The following EYS variants were observed in gnomAD, a reference collection of about 807,000 sequenced individuals.
EYS encodes the protein protein eyes shut homolog.
A neutral mutation model predicts 282.1 loss-of-function variants in EYS; 250 were observed. The ratio of observed to expected loss-of-function variants is 0.89; its 90% confidence interval spans 0.80 to 0.98. The LOEUF is 0.98. Among genes scored for constraint, EYS ranks in the 50% least tolerant of loss-of-function variants. The pLI is 0.00. For missense variants in EYS, 4,016 were observed against 3,709.0 expected (o/e 1.08, Z -2.15); for synonymous variants, 1,355 against 1,282.9 (o/e 1.06, Z -1.20).
intron 26 of EYS, among the ~76,000 whole-genome samples, chr6:64,467,609 T>G (rs1775967028): frequency 1.3e-5 from 2 of 152,180 alleles, no homozygotes; most frequent in South Asian, 2.1e-4. Flanking sequence ...ACCACCCCAC[T>G]TATTACCACC....
At chr6:65,395,915 T>C (rs1766262648) in intron 7 of EYS, among the ~76,000 whole-genome samples, 1 of 152,228 alleles carries the variant, frequency 6.6e-6, no homozygotes, top group Non-Finnish European at 1.5e-5. Flanking sequence ...CTTTGACTTT[T>C]AAAAATTTTA....
At chr6:65,430,729 C>A (rs1381327612) in intron 5 of EYS, among the ~76,000 whole-genome samples, 3 of 152,164 alleles carry the variant, frequency 2.0e-5, no homozygotes, top group African/African-American at 2.4e-5. Flanking sequence ...AGTCATGAGG[C>A]CCCTGTTCCA....
intron 7 of EYS, among the ~76,000 whole-genome samples, chr6:65,385,855 T>C (rs758229579): frequency 8.6e-5 from 13 of 151,950 alleles, no homozygotes; most frequent in African/African-American, 2.7e-4. Context: ...AAATACCAAC[T>C]TAATGAAAGG....
intron 33 of EYS, among the ~76,000 whole-genome samples, chr6:64,000,812 T>A (rs1246570884): frequency 6.6e-6 from 1 of 152,150 alleles, no homozygotes; most frequent in African/African-American, 2.4e-5. Flanking sequence ...CACTTTAGCT[T>A]ACCAAGGTCA....
chr6:64,227,372 T>G (rs906131891), intron 31 of EYS, among the ~76,000 whole-genome samples: 1 of 152,128 alleles, frequency 6.6e-6, no homozygotes, highest in Admixed American at 6.6e-5. Flanking sequence ...AAGCAAAGTT[T>G]TTTTTTCATA....
intron 23 of EYS, among the ~76,000 whole-genome samples, chr6:64,623,236 A>G (rs1767504292): frequency 6.6e-6 from 1 of 152,192 alleles, no homozygotes; most frequent in Non-Finnish European, 1.5e-5. Context: ...GATATTGTAC[A>G]GATCTCTAGA....
At chr6:64,381,546 C>T (rs1423832308) in intron 29 of EYS, among the ~76,000 whole-genome samples, 3 of 152,134 alleles carry the variant, frequency 2.0e-5, no homozygotes. Flanking sequence ...CTGATTTTCA[C>T]TACTGCATAT....
intron 35 of EYS, among the ~76,000 whole-genome samples, chr6:63,969,839 GTC>G (rs1299418436): frequency 9.2e-5 from 14 of 152,100 alleles, no homozygotes; most frequent in East Asian, 5.8e-4. Flanking sequence ...CTCTGTTGTA[GTC>G]TCTCTCTCTC....
chr6:65,398,964 C>G (rs1209717964), intron 7 of EYS, among the ~76,000 whole-genome samples: 2 of 152,214 alleles, frequency 1.3e-5, no homozygotes, highest in Middle Eastern at 3.4e-3. Context: ...TACCTCACAT[C>G]TAATCCTTCA....
intron 22 of EYS, among the ~76,000 whole-genome samples, chr6:64,803,207 G>C (rs79312624): frequency 6.6e-6 from 1 of 152,080 alleles, no homozygotes; most frequent in African/African-American, 2.4e-5. Context: ...ACCCAGAGTG[G>C]GTAGCTCCTT....
chr6:65,468,539 A>G (rs1008813393), intron 5 of EYS, among the ~76,000 whole-genome samples: 9 of 152,020 alleles, frequency 5.9e-5, no homozygotes, highest in African/African-American at 2.2e-4. Context: ...ATTTTGTTGC[A>G]TGGCCCTATT....
chr6:65,556,875 T>C (rs991824194), intron 2 of EYS, among the ~76,000 whole-genome samples: 10 of 152,136 alleles, frequency 6.6e-5, no homozygotes, highest in Non-Finnish European at 1.5e-4. Flanking sequence ...TTTAAAATTG[T>C]CTCTAATATC....
chr6:63,947,366 T>A (rs117264141), intron 35 of EYS, among the ~76,000 whole-genome samples: 2,217 of 152,100 alleles, frequency 0.015, 56 homozygotes, highest in East Asian at 0.048. Flanking sequence ...CATTAAAAAG[T>A]ACTAAGAAAT....
At position 65,562,514 on chromosome 6, in the gene EYS, C is replaced by A. The variant is rs117603610; in HGVS notation, c.-332-66521G>T. On this transcript the variant is annotated intron_variant, in intron 2 of 42. Transcript: ENST00000503581. ...AAAAAACCCCTGAAATATTAGAAAT[C>A]TTCCAAATTTAATAAACATAGGTAT... 6.2e-3 allele frequency among the ~76,000 whole-genome samples: 943 copies of A among 152,074 alleles called. 25 individuals are homozygous for A. In the East Asian group the frequency reaches 0.063, roughly 10 times the overall value.
chr6:64,472,728 C>G (rs111946463), intron 26 of EYS, among the ~76,000 whole-genome samples: 32 of 152,214 alleles, frequency 2.1e-4, no homozygotes, highest in African/African-American at 7.2e-4. Flanking sequence ...AATTTACACC[C>G]TGACACTTAT....
chr6:65,236,796 T>C (rs939813704), intron 12 of EYS, among the ~76,000 whole-genome samples: 2 of 152,176 alleles, frequency 1.3e-5, no homozygotes, highest in Non-Finnish European at 2.9e-5. Flanking sequence ...AGCTAATTAC[T>C]GTGAAACTTT....
intron 32 of EYS, among the ~76,000 whole-genome samples, chr6:64,081,132 C>A (rs1056410756): frequency 1.4e-4 from 21 of 151,884 alleles, no homozygotes; most frequent in Admixed American, 7.2e-4. Context: ...CAGAAAGTGG[C>A]CATACTGTCC....
intron 12 of EYS, among the ~76,000 whole-genome samples, chr6:65,085,616 G>A (rs1383827404): frequency 6.6e-6 from 1 of 152,068 alleles, no homozygotes; most frequent in Non-Finnish European, 1.5e-5. Context: ...CAAGGTAACA[G>A]CATAGCTTAA....
At chr6:64,328,605 G>A (rs988009149) in intron 29 of EYS, among the ~76,000 whole-genome samples, 2 of 152,172 alleles carry the variant, frequency 1.3e-5, no homozygotes, top group Non-Finnish European at 2.9e-5. Flanking sequence ...CCAGGCACAA[G>A]GAGACATAAA....
Sources: gnomAD v4.1 joint callset for allele counts (sites outside exome capture counted in the v4.1 genomes callset) on GRCh38, gnomAD v4.1.1 for gene constraint, MANE v1.5 for transcripts, NCBI Gene and HGNC (gene_info 2026-07-23, HGNC 2026-07-21) for gene names.